Variants in CADPS2 observed in about 807,000 individuals in gnomAD.
CADPS2 encodes the protein calcium-dependent secretion activator 2.
CADPS2 carries 93 observed loss-of-function variants against 172.5 expected under a neutral mutation model. The observed-to-expected ratio is 0.54, with a 90% CI of 0.46 to 0.64. The LOEUF is 0.64. CADPS2 is among the 30% of genes least tolerant of loss of function. The pLI is 0.00. For synonymous variants in CADPS2, 546 were observed against 555.2 expected (o/e 0.98, Z 0.23); for missense variants, 1,420 against 1,565.9 (o/e 0.91, Z 1.57).
rs1052644419 is a variant in CADPS2 at position 122,404,922 on chromosome 7, G to A, written c.2746+2618C>T. Among the ~76,000 whole-genome samples the A allele has an allele frequency of 5.3e-5, 8 of 151,852 alleles. No individual in the cohort carries two copies. The East Asian group carries it at 5.9e-4, about 11-fold the overall frequency. The stretch of plus-strand genomic sequence containing the variant: ...GGGGGGATCAGGAGGTCAGGAGATC[G>A]AGACCATCCCTGGCTAGCACGGTGA... On this transcript the variant is annotated intron_variant, in intron 20 of 29. Transcript: ENST00000449022.
At chr7:122,547,722 A>G (rs747770182) in intron 8 of CADPS2, among the ~76,000 whole-genome samples, 37 of 152,286 alleles carry the variant, frequency 2.4e-4, no homozygotes, top group Non-Finnish European at 3.4e-4. Context: ...CACACAGATA[A>G]TAAGAGCTTA....
rs569690508 is a variant in CADPS2, at chr7:122,578,123, T to C, written c.1335+3056A>G. 5.4e-4 allele frequency among the ~76,000 whole-genome samples: 81 copies of C among 151,310 alleles called. 2 individuals carry two copies. The highest frequency in any genetic ancestry group is 1.8e-3 in the African/African-American group (76 of 41,364). ...ATATACACAAAAGTATATATATTTA[T>C]GTATATACTTTTGTATATACTTAAT... On this transcript the variant is annotated intron_variant, in intron 7 of 29. Coordinates refer to ENST00000449022, the MANE Select transcript of CADPS2 (RefSeq NM_017954.11).
chr7:122,616,933 ACTT>A (rs993599505), intron 5 of CADPS2, among the ~76,000 whole-genome samples: 6 of 152,220 alleles, frequency 3.9e-5, no homozygotes, highest in Admixed American at 3.3e-4. Context: ...TTCTCTAATA[ACTT>A]CTTAATAATA....
intron 8 of CADPS2, among the ~76,000 whole-genome samples, chr7:122,522,335 G>C (rs576582225): frequency 6.6e-6 from 1 of 151,962 alleles, no homozygotes; most frequent in East Asian, 1.9e-4. Context: ...GGCTGGTCTG[G>C]AACTCCTGAG....
chr7:122,835,070 C>G (rs966124778), intron 1 of CADPS2, among the ~76,000 whole-genome samples: 3 of 152,178 alleles, frequency 2.0e-5, no homozygotes, highest in East Asian at 3.9e-4. Context: ...TGTTTGGGTA[C>G]CCCTCTGAGA....
chr7:122,564,057 A>T (rs891434336), intron 7 of CADPS2, among the ~76,000 whole-genome samples: 4 of 152,144 alleles, frequency 2.6e-5, no homozygotes, highest in Non-Finnish European at 5.9e-5. Flanking sequence ...CTGAAAAAAT[A>T]AAAAAACTAG....
At chr7:122,463,316 ATTC>A (rs2054698219) in intron 14 of CADPS2, among the ~76,000 whole-genome samples, 1 of 137,960 alleles carries the variant, frequency 7.2e-6, no homozygotes, top group Non-Finnish European at 1.6e-5. Context: ...AAATCTTCAT[ATTC>A]TTAGATTTTT....
rs140591547 is a variant in CADPS2 at position 122,559,397 on chromosome 7, C to T, written c.1336-4708G>A. Among the ~76,000 whole-genome samples, 501 of 152,232 alleles carry T rather than the reference C, an allele frequency of 3.3e-3. 5 individuals are homozygous for T. Among genetic ancestry groups the T allele is most frequent in the African/African-American group, 0.012 (483 of 41,536 alleles). On this transcript the variant is annotated intron_variant, in intron 7 of 29. Transcript: ENST00000449022. ...ACTTAGCCTCAGTCCGTTTCCACCGCTCTCCACGAAAAGAACTTCAATCAG... is the reference window on the plus strand; with the variant it reads ...ACTTAGCCTCAGTCCGTTTCCACCGTTCTCCACGAAAAGAACTTCAATCAG...
rs1413508781 is a variant in CADPS2, at chr7:122,760,771, A to ATTGTTCAT, written c.340-23704_340-23703insATGAACAA. Among the ~76,000 whole-genome samples the ATTGTTCAT allele has an allele frequency of 3.1e-5, 4 of 130,930 alleles. No homozygotes were observed. In the South Asian group the frequency reaches 7.1e-4, roughly 23 times the overall value. 85.9% of individuals were successfully genotyped at this position (130,930 alleles called of 152,430 possible). ...GGTGGGAATTGAACAATGAGAATGC[A>ATTGTTCAT]TGGATACAGGAAGGGGAACATCACA... On this transcript the variant is annotated intron_variant, in intron 1 of 29. Transcript: ENST00000449022.
Position 122,786,783 on chromosome 7 carries a change from A to C in CADPS2, c.340-49715T>G, listed in dbSNP as rs567495997. Among the ~76,000 whole-genome samples, 483 of 152,188 alleles carry C rather than the reference A, an allele frequency of 3.2e-3. 3 individuals are homozygous for C. The highest frequency in any genetic ancestry group is 0.014 in the Middle Eastern group (4 of 294). ...TTTTTTTTCTATAAGAGTGGTTTTCAGACTTATTTGGTCGTGCTTTGTTCA... is the reference window on the plus strand; with the variant it reads ...TTTTTTTTCTATAAGAGTGGTTTTCCGACTTATTTGGTCGTGCTTTGTTCA... On this transcript the variant is annotated intron_variant, in intron 1 of 29. Transcript: ENST00000449022.
chr7:122,569,368 A>T (rs2132458860), intron 7 of CADPS2, among the ~76,000 whole-genome samples: 1 of 152,160 alleles, frequency 6.6e-6, no homozygotes, highest in Admixed American at 6.5e-5. Flanking sequence ...ACCACTGCTC[A>T]AGGAAATAAA....
chr7:122,357,883 A>G (rs2039624987), intron 27 of CADPS2, among the ~76,000 whole-genome samples: 1 of 152,202 alleles, frequency 6.6e-6, no homozygotes, highest in African/African-American at 2.4e-5. Flanking sequence ...GACGTACTAC[A>G]GGACAATTTT....
At chr7:122,738,756 G>T (rs1325554669) in intron 1 of CADPS2, among the ~76,000 whole-genome samples, 1 of 150,618 alleles carries the variant, frequency 6.6e-6, no homozygotes, top group African/African-American at 2.4e-5. Context: ...TTTTATTTAG[G>T]ACTCTAACAA....
At chr7:122,503,583 C>CT (rs2059390129) in intron 9 of CADPS2, among the ~76,000 whole-genome samples, 2 of 152,090 alleles carry the variant, frequency 1.3e-5, no homozygotes, top group Non-Finnish European at 2.9e-5. Context: ...AGATATACTC[C>CT]TTTCTTGATG....
intron 1 of CADPS2, among the ~76,000 whole-genome samples, chr7:122,839,864 C>A (rs570096089): frequency 6.6e-6 from 1 of 152,326 alleles, no homozygotes; most frequent in East Asian, 1.9e-4. Context: ...TTGTGGAAGA[C>A]AGTGTGGCAA....
chr7:122,861,761 A>G (rs1371359142), intron 1 of CADPS2, among the ~76,000 whole-genome samples: 2 of 152,284 alleles, frequency 1.3e-5, no homozygotes, highest in Admixed American at 6.5e-5. Flanking sequence ...CTATGCGTAT[A>G]TATTGAAACA....
At chr7:122,344,476 A>G (rs1375233762) in intron 28 of CADPS2, among the ~76,000 whole-genome samples, 2 of 152,220 alleles carry the variant, frequency 1.3e-5, no homozygotes, top group Non-Finnish European at 2.9e-5. Context: ...CGATCACAGT[A>G]TACAAAACCA....
intron 1 of CADPS2, among the ~76,000 whole-genome samples, chr7:122,882,071 T>C (rs984385419): frequency 6.6e-6 from 1 of 152,174 alleles, no homozygotes; most frequent in Non-Finnish European, 1.5e-5. Flanking sequence ...GGCCACTTTA[T>C]AGTAGTTACA....
intron 28 of CADPS2, among the ~76,000 whole-genome samples, chr7:122,326,227 T>C (rs2033835045): frequency 6.6e-6 from 1 of 152,026 alleles, no homozygotes; most frequent in African/African-American, 2.4e-5. Flanking sequence ...TTTGTAAGAA[T>C]CACAAAATAG....
Sources: allele counts gnomAD v4.1 joint callset (sites outside exome capture counted in the v4.1 genomes callset), GRCh38; gene constraint gnomAD v4.1.1; transcripts MANE v1.5; gene names NCBI Gene and HGNC (gene_info 2026-07-23, HGNC 2026-07-21).